The following FHIT variants were observed in gnomAD, a reference collection of about 807,000 sequenced individuals.
The protein encoded by FHIT is fragile histidine triad diadenosine triphosphatase.
In FHIT, 19 loss-of-function variants were observed where a neutral mutation model predicts 17.9. The observed-to-expected ratio is 1.06, with a 90% CI of 0.74 to 1.56. The LOEUF (loss-of-function observed/expected upper bound fraction) is 1.56, where lower values mean the gene tolerates loss of function less well. Ranked by LOEUF, FHIT falls within the 40% of genes most tolerant of loss-of-function variation. FHIT has a pLI of 0.00. For missense variants in FHIT, 248 were observed against 189.2 expected, an observed-to-expected ratio of 1.31 and a Z score of -1.82; for synonymous variants, 81 against 69.7, an observed-to-expected ratio of 1.16 and a Z score of -0.81.
At chr3:60,970,438 GTATT>G (rs1369606668) in intron 3 of FHIT, among the ~76,000 whole-genome samples, 1 of 151,990 alleles carries the variant, frequency 6.6e-6, no homozygotes, top group Non-Finnish European at 1.5e-5. Flanking sequence ...TTAAATAGAA[GTATT>G]TAGTGTTTTG....
At chr3:61,059,119 C>G (rs759120396) in intron 2 of FHIT, among the ~76,000 whole-genome samples, 5 of 152,156 alleles carry the variant, frequency 3.3e-5, no homozygotes, top group Non-Finnish European at 7.3e-5. Context: ...CCCTAAGCTA[C>G]TATTTGTTAT....
intron 8 of FHIT, among the ~76,000 whole-genome samples, chr3:59,756,469 G>C (rs1159938903): frequency 6.7e-6 from 1 of 149,354 alleles, no homozygotes; most frequent in Non-Finnish European, 1.5e-5. Context: ...CAGGAGTATG[G>C]TTGCCAGATT....
chr3:60,849,463 T>TATATATATATATATATATAA (rs1169667916), intron 3 of FHIT, among the ~76,000 whole-genome samples: 1 of 144,952 alleles, frequency 6.9e-6, no homozygotes, highest in African/African-American at 2.5e-5. Flanking sequence ...TATATATATA[T>TATATATATATATATATATAA]AAAATTATTA....
chr3:60,287,962 A>G (rs575488008), intron 5 of FHIT, among the ~76,000 whole-genome samples: 2 of 136,508 alleles, frequency 1.5e-5, no homozygotes, highest in Non-Finnish European at 3.1e-5. Context: ...AATATTTAGT[A>G]TCTTATACAG....
At chr3:60,332,086 A>G (rs1197824785) in intron 5 of FHIT, among the ~76,000 whole-genome samples, 2 of 152,172 alleles carry the variant, frequency 1.3e-5, no homozygotes, top group African/African-American at 2.4e-5. Context: ...CTAATTAAAT[A>G]TCTATTCTAT....
intron 5 of FHIT, among the ~76,000 whole-genome samples, chr3:60,525,802 T>C (rs543472876): frequency 6.6e-6 from 1 of 152,244 alleles, no homozygotes; most frequent in Admixed American, 6.5e-5. Flanking sequence ...AGGTATCAGG[T>C]TGCCTGTCAA....
intron 5 of FHIT, among the ~76,000 whole-genome samples, chr3:60,441,796 A>ACACACACATATGTATATGTGTGTGTGTG (rs2030891719): frequency 3.0e-5 from 2 of 66,086 alleles, no homozygotes; most frequent in African/African-American, 8.8e-5. Context: ...ATATATATAT[A>ACACACACATATGTATATGTGTGTGTGTG]TATATATATA....
intron 4 of FHIT, among the ~76,000 whole-genome samples, chr3:60,634,588 T>C (rs1471014740): frequency 6.6e-6 from 1 of 152,162 alleles, no homozygotes; most frequent in Non-Finnish European, 1.5e-5. Flanking sequence ...TTCTTTTCTA[T>C]CCTGGGGTAA....
chr3:60,131,022 T>TATATACAC (rs1257975874), intron 5 of FHIT, among the ~76,000 whole-genome samples: 2 of 73,970 alleles, frequency 2.7e-5, no homozygotes, highest in Admixed American at 3.1e-4. Flanking sequence ...TATATACACA[T>TATATACAC]ATATACATAT....
At chr3:59,928,790 T>G (rs907015392) in intron 7 of FHIT, among the ~76,000 whole-genome samples, 2 of 151,144 alleles carry the variant, frequency 1.3e-5, no homozygotes, top group Non-Finnish European at 2.9e-5. Context: ...AGGTCAGGAG[T>G]TCGAGACCAG....
At chr3:61,172,657 T>C (rs2038039731) in intron 2 of FHIT, among the ~76,000 whole-genome samples, 2 of 150,256 alleles carry the variant, frequency 1.3e-5, no homozygotes. Context: ...TTTTCCCTCA[T>C]AGATGGTTAT....
chr3:60,381,480 AAAAAAAAAAG>A (rs935093837), intron 5 of FHIT, among the ~76,000 whole-genome samples: 2 of 149,376 alleles, frequency 1.3e-5, no homozygotes, highest in African/African-American at 5.0e-5. Context: ...CTCCATCTCA[AAAAAAAAAAG>A]AAAAGAAAAG....
rs529618414 is a variant in FHIT, at chr3:60,480,640, G to A, written c.103+56220C>T. Among the ~76,000 whole-genome samples the A allele has an allele frequency of 2.2e-3, 333 of 152,266 alleles. 2 individuals carry two copies. The highest frequency in any genetic ancestry group is 3.8e-3 in the Non-Finnish European group (260 of 68,022). On this transcript the variant is annotated intron_variant, in intron 5 of 9. Transcript: ENST00000492590. ...GGGGACACAGGTCCCATGCAAATCC[G>A]AAACCCAGTGAGGCAGTCATTAAAT...
At chr3:60,451,018 T>C (rs1032554489) in intron 5 of FHIT, among the ~76,000 whole-genome samples, 1 of 152,140 alleles carries the variant, frequency 6.6e-6, no homozygotes, top group Non-Finnish European at 1.5e-5. Flanking sequence ...ATTTGTATAA[T>C]GAAAACTTGT....
intron 5 of FHIT, among the ~76,000 whole-genome samples, chr3:60,484,789 G>C (rs999555026): frequency 3.3e-5 from 5 of 151,984 alleles, no homozygotes; most frequent in Admixed American, 6.6e-5. Flanking sequence ...TTGCAACAAA[G>C]GTCAAAATTG....
At position 60,082,505 on chromosome 3, in the gene FHIT, T is replaced by C. The variant is rs565421237; in HGVS notation, c.104-68353A>G. Reference sequence around the variant, plus strand: ...AATATATATCCAGTAATGGAATTACTGGGTTGAACAGTAGCTCTGTTTTAA... The same window carrying C: ...AATATATATCCAGTAATGGAATTACCGGGTTGAACAGTAGCTCTGTTTTAA... On this transcript the variant is annotated intron_variant, in intron 5 of 9. Transcript: ENST00000492590. Among the ~76,000 whole-genome samples, 7 of 152,272 alleles carry C rather than the reference T, an allele frequency of 4.6e-5. No homozygotes were observed. The East Asian group carries it at 1.4e-3, about 29-fold the overall frequency.
chr3:60,441,669 TGAA>T (rs1269101402), intron 5 of FHIT, among the ~76,000 whole-genome samples: 2 of 145,388 alleles, frequency 1.4e-5, no homozygotes, highest in South Asian at 2.2e-4. Flanking sequence ...AATACATTCT[TGAA>T]GAATTGATAT....
chr3:59,980,897 T>C (rs1708624927), intron 7 of FHIT, among the ~76,000 whole-genome samples: 1 of 152,182 alleles, frequency 6.6e-6, no homozygotes, highest in African/African-American at 2.4e-5. Flanking sequence ...GTTTTCATAA[T>C]TTACAATGTG....
At position 59,960,544 on chromosome 3, in the gene FHIT, G is replaced by T. The variant is rs114797705; in HGVS notation, c.280-38130C>A. Among the ~76,000 whole-genome samples, 359 of 151,676 alleles carry T rather than the reference G, an allele frequency of 2.4e-3. 2 individuals carry two copies. The highest frequency in any genetic ancestry group is 8.2e-3 in the African/African-American group (340 of 41,322). The stretch of plus-strand genomic sequence containing the variant: ...TTTTACATGTTAGGAGTTCAGAAAA[G>T]AGGTCTGGGGTGGAGACATTATCTT... On this transcript the variant is annotated intron_variant, in intron 7 of 9. Coordinates refer to ENST00000492590, the MANE Select transcript of FHIT (RefSeq NM_002012.4).
Sources: gnomAD v4.1 joint callset for allele counts (sites outside exome capture counted in the v4.1 genomes callset) on GRCh38, gnomAD v4.1.1 for gene constraint, MANE v1.5 for transcripts, NCBI Gene and HGNC (gene_info 2026-07-23, HGNC 2026-07-21) for gene names.